Variants in CDIP1 observed in about 807,000 individuals in gnomAD.
CDIP1 encodes the protein cell death inducing p53 target 1, also known as cell death-inducing p53-target protein 1.
Under a neutral mutation model 17.7 loss-of-function variants are expected in CDIP1, and 9 were observed. That is an observed-to-expected ratio of 0.51 (90% CI 0.31 to 0.89). The LOEUF is 0.89. Ranked by LOEUF, CDIP1 falls within the 40% of genes least tolerant of loss-of-function variation. The pLI, the probability that CDIP1 is intolerant of heterozygous loss-of-function variation, is 0.05. For synonymous variants in CDIP1, 117 were observed against 109.5 expected (o/e 1.07, Z -0.43); for missense variants, 263 against 277.9 (o/e 0.95, Z 0.38).
At position 4,518,901 on chromosome 16, in the gene CDIP1, G is replaced by A. The variant is rs1316927296; in HGVS notation, c.-104-4237C>T. The stretch of plus-strand genomic sequence containing the variant: ...TCTGCTGTGGGAAGGTGCTGGTGAG[G>A]GAGGGGGCTAGGAGACCTGGGGATC... On this transcript the variant is annotated intron_variant, in intron 1 of 5. Coordinates refer to ENST00000567695, the MANE Select transcript of CDIP1 (RefSeq NM_013399.3). 2.6e-5 allele frequency among the ~76,000 whole-genome samples: 4 copies of A among 152,326 alleles called. No homozygotes were observed. The South Asian group carries it at 8.3e-4, about 32-fold the overall frequency.
intron 1 of CDIP1, chr16:4,523,789 G>C (rs1165356901): frequency 6.6e-6 from 1 of 152,372 alleles, no homozygotes; most frequent in African/African-American, 2.4e-5. Context: ...AGAGGGAACA[G>C]TGAGTACACA....
At chr16:4,527,689 G>C (rs1048734501) in intron 1 of CDIP1, among the ~76,000 whole-genome samples, 10 of 152,242 alleles carry the variant, frequency 6.6e-5, no homozygotes, top group Admixed American at 2.0e-4. Context: ...ATGGACATGT[G>C]AACACAGATT....
Position 4,514,171 on chromosome 16 carries a change from T to C in CDIP1, c.-14-27A>G. ...TGGACATGGAGGGAAAACCCAGACATGAACTAAGCTCCCAGCCAGGTTCCT... is the reference window on the plus strand; with the variant it reads ...TGGACATGGAGGGAAAACCCAGACACGAACTAAGCTCCCAGCCAGGTTCCT... On this transcript the variant is annotated intron_variant, in intron 2 of 5. Transcript: ENST00000567695. This position sits in a 1 kb window ranked among gnomAD's most constrained non-coding sequence, Gnocchi z 5.2. The C allele has an allele frequency of 2.3e-6, 3 of 1,310,088 alleles. No individual in the cohort carries two copies. The highest frequency in any genetic ancestry group is 3.1e-6 in the Non-Finnish European group (3 of 958,178). The allele number at this position is 1,310,088 out of a possible 1,614,324, so 81.2% of individuals were successfully genotyped here. A position where few individuals can be genotyped will look rare whatever the true frequency, so the allele number is the denominator to read the frequency against.
chr16:4,533,010 C>CT (rs764858722), intron 1 of CDIP1: 1 of 152,268 alleles, frequency 6.6e-6, no homozygotes, highest in Non-Finnish European at 1.5e-5. Flanking sequence ...GTTTAAGTGA[C>CT]TACCTGTTTG....
intron 1 of CDIP1, among the ~76,000 whole-genome samples, chr16:4,518,070 TG>T (rs1341194950): frequency 6.6e-6 from 1 of 152,196 alleles, no homozygotes; most frequent in Non-Finnish European, 1.5e-5. Context: ...TGGGATGCTC[TG>T]AGCAGACCAG....
rs1171956168 is a variant in CDIP1, at chr16:4,512,066, AC to A, written c.*505del. 6.2e-6 allele frequency: 1 copy of A among 162,258 alleles called. No homozygotes were observed. Among genetic ancestry groups the A allele is most frequent in the Admixed American group, 5.8e-5 (1 of 17,346 alleles). 10.1% of individuals were successfully genotyped at this position (162,258 alleles called of 1,614,324 possible). A position where few individuals can be genotyped will look rare whatever the true frequency, so the allele number is the denominator to read the frequency against. On this transcript the variant is annotated 3_prime_UTR_variant, in exon 6 of 6. Coordinates refer to ENST00000567695, the MANE Select transcript of CDIP1 (RefSeq NM_013399.3). This position sits in a 1 kb window ranked among gnomAD's most constrained non-coding sequence, Gnocchi z 4.6. ...CTCTAGCACCCCAGAGGCGCAAAGT[AC>A]CCAGAAACAAACCCAGGCTTTGTGA...
intron 1 of CDIP1, among the ~76,000 whole-genome samples, chr16:4,537,858 G>A (rs1277641609): frequency 6.6e-6 from 1 of 152,210 alleles, no homozygotes; most frequent in Non-Finnish European, 1.5e-5. Flanking sequence ...GTCCTCGAAG[G>A]CGCGACTCCT....
At chr16:4,521,244 A>G (rs1274979192) in intron 1 of CDIP1, among the ~76,000 whole-genome samples, 1 of 152,158 alleles carries the variant, frequency 6.6e-6, no homozygotes, top group Non-Finnish European at 1.5e-5. Flanking sequence ...TCACAAACAA[A>G]GAGGCATGGT....
intron 1 of CDIP1, chr16:4,536,545 T>C (rs2059107794): frequency 6.6e-6 from 1 of 152,154 alleles, no homozygotes; most frequent in Non-Finnish European, 1.5e-5. Context: ...CGTTAGCTCC[T>C]TCTCAAAACA....
Position 4,513,936 on chromosome 16 carries a change from G to C in CDIP1, c.86-85C>G. 1 of 1,405,838 alleles carries C rather than the reference G, an allele frequency of 7.1e-7. No homozygotes were observed. The highest frequency in any genetic ancestry group is 9.6e-7 in the Non-Finnish European group (1 of 1,039,278). The allele number at this position is 1,405,838 out of a possible 1,614,324, so 87.1% of individuals were successfully genotyped here. On this transcript the variant is annotated intron_variant, in intron 3 of 5. Coordinates refer to ENST00000567695, the MANE Select transcript of CDIP1 (RefSeq NM_013399.3). The surrounding 1 kb of genome is among the most constrained non-coding windows in gnomAD (Gnocchi z 4.1). ...CCAGAGGCCACTGTTTTGGGACACA[G>C]ATGGGGCCCAGGGGTAACCCTGGAG...
intron 1 of CDIP1, among the ~76,000 whole-genome samples, chr16:4,524,550 C>G (rs572660868): frequency 6.6e-6 from 1 of 152,132 alleles, no homozygotes; most frequent in Non-Finnish European, 1.5e-5. Context: ...CAGGGCAAGC[C>G]GACTCAGCCC....
Position 4,512,956 on chromosome 16 carries a change from A to C in CDIP1, c.350T>G (p.Val117Gly). Residue 117 changes from valine to glycine, a missense_variant, in exon 5 of 6, where the codon GTC (valine) becomes GGC (glycine). Val to Gly is a moderately radical substitution (Grantham distance 109). Coordinates refer to ENST00000567695, the MANE Select transcript of CDIP1 (RefSeq NM_013399.3). The surrounding 1 kb of genome is among the most constrained non-coding windows in gnomAD (Gnocchi z 4.6). Reference sequence around the variant, plus strand: ...CACCGTGGTGGCAGCTCCTGAAGGGACCAGGACTGTGGCTGTGTGGCCCCC... The same window carrying C: ...CACCGTGGTGGCAGCTCCTGAAGGGCCCAGGACTGTGGCTGTGTGGCCCCC... The part of the protein sequence containing the change: ...GPGGHTATVL[V>G]PSGAATTVTV... 6.3e-7 allele frequency: 1 copy of C among 1,586,980 alleles called. No homozygotes were observed. Among genetic ancestry groups the C allele is most frequent in the African/African-American group, 1.3e-5 (1 of 74,814 alleles).
chr16:4,534,105 C>A (rs553438156), intron 1 of CDIP1, among the ~76,000 whole-genome samples: 1 of 152,226 alleles, frequency 6.6e-6, no homozygotes, highest in East Asian at 1.9e-4. Flanking sequence ...CACCTGCCCC[C>A]ACACCTGGTT....
At chr16:4,517,285 A>G (rs2058898068) in intron 1 of CDIP1, among the ~76,000 whole-genome samples, 2 of 152,184 alleles carry the variant, frequency 1.3e-5, no homozygotes. Context: ...ACATCTTTCC[A>G]AGTGTTCAGA....
Position 4,513,585 on chromosome 16 carries a change from G to T in CDIP1, c.241+111C>A. 1 of 934,760 alleles carries T rather than the reference G, an allele frequency of 1.1e-6. No homozygotes were observed. The highest frequency in any genetic ancestry group is 1.7e-6 in the Non-Finnish European group (1 of 600,054). 57.9% of individuals were successfully genotyped at this position (934,760 alleles called of 1,614,324 possible). A position where few individuals can be genotyped will look rare whatever the true frequency, so the allele number is the denominator to read the frequency against. ...CCCTAGGCAAGGGCTGGTTGGGCGT[G>T]TTGGAGTCCCTGCCCTACAGCAGAT... On this transcript the variant is annotated intron_variant, in intron 4 of 5. Transcript: ENST00000567695. The surrounding 1 kb of genome is among the most constrained non-coding windows in gnomAD (Gnocchi z 4.1).
intron 1 of CDIP1, among the ~76,000 whole-genome samples, chr16:4,517,971 C>CT (rs1321484455): frequency 3.3e-5 from 5 of 152,202 alleles, no homozygotes; most frequent in African/African-American, 1.2e-4. Flanking sequence ...AAAATGCTCT[C>CT]TGGCGCCTCT....
In CDIP1 at chr16:4,528,198, G is replaced by C. The variant is rs1031241766; in HGVS notation, c.-105+10504C>G. On this transcript the variant is annotated intron_variant, in intron 1 of 5. Transcript: ENST00000567695. ...GAATAAAAAAGCAGTAGCACAGTGTGATTCTTCTTTAGATGTATTTACATA... is the reference window on the plus strand; with the variant it reads ...GAATAAAAAAGCAGTAGCACAGTGTCATTCTTCTTTAGATGTATTTACATA... Among the ~76,000 whole-genome samples the C allele has an allele frequency of 3.3e-5, 5 of 152,172 alleles. No individual in the cohort carries two copies. The East Asian group carries it at 7.7e-4, about 23-fold the overall frequency.
intron 1 of CDIP1, among the ~76,000 whole-genome samples, chr16:4,523,060 T>C (rs979588278): frequency 2.0e-5 from 3 of 152,212 alleles, no homozygotes; most frequent in Non-Finnish European, 2.9e-5. Flanking sequence ...GCTGACCACG[T>C]AGCTGTTCCG....
intron 1 of CDIP1, chr16:4,533,720 C>T (rs1391372367): frequency 6.7e-6 from 1 of 150,358 alleles, no homozygotes; most frequent in African/African-American, 2.4e-5. Context: ...CCCAAGCCCA[C>T]CCCCGTACTC....
Sources: allele counts gnomAD v4.1 joint callset (sites outside exome capture counted in the v4.1 genomes callset), GRCh38; gene constraint gnomAD v4.1.1; non-coding constraint Gnocchi (gnomAD v3.1); transcripts MANE v1.5; gene names NCBI Gene and HGNC (gene_info 2026-07-23, HGNC 2026-07-21).